The following STOX1 variants were observed in gnomAD, a reference collection of about 807,000 sequenced individuals.
STOX1 encodes the protein storkhead box 1.
In STOX1, 57 loss-of-function variants were observed where a neutral mutation model predicts 74.8. The observed-to-expected ratio is 0.76, with a 90% confidence interval of 0.62 to 0.95. The LOEUF is 0.95. STOX1 is among the 40% of genes least tolerant of loss of function. The pLI, the probability that STOX1 is intolerant of heterozygous loss-of-function variation, is 0.00. For synonymous variants in STOX1, 375 were observed against 401.3 expected, an observed-to-expected ratio of 0.93 and a Z score of 0.78; for missense variants, 1,010 against 1,117.0, an observed-to-expected ratio of 0.90 and a Z score of 1.37.
At chr10:68,881,319 A>G (rs950151355) in intron 1 of STOX1, among the ~76,000 whole-genome samples, 3 of 152,194 alleles carry the variant, frequency 2.0e-5, no homozygotes, top group African/African-American at 2.4e-5. Context: ...CTTAAGTTCT[A>G]TTGAACCAGG....
chr10:68,828,800 C>T (rs1361952618), intron 1 of STOX1, among the ~76,000 whole-genome samples: 1 of 152,170 alleles, frequency 6.6e-6, no homozygotes, highest in African/African-American at 2.4e-5. Flanking sequence ...GGGTCGTTAA[C>T]TTCTTGGGGA....
chr10:68,845,416 G>T (rs1396092293), intron 1 of STOX1, among the ~76,000 whole-genome samples: 1 of 151,338 alleles, frequency 6.6e-6, no homozygotes, highest in Admixed American at 6.6e-5. Flanking sequence ...TGGGACTACA[G>T]GCGCCTGCCA....
rs774795492 is a variant in STOX1 at position 68,892,733 on chromosome 10, T to C, written c.2967T>C (p.Val989=). 1.6e-5 allele frequency: 26 copies of C among 1,613,582 alleles called. No homozygotes were observed. Among genetic ancestry groups the C allele is most frequent in the Non-Finnish European group, 2.2e-5 (26 of 1,179,834 alleles). ...TACCGCTAACTCCAGTCATAAACGT[T>C]TAATTTTCTTTTGGAAACCTACTTT... ...SLLPLTPVIN[V] The change falls in exon 4 of 4, where the codon GTT becomes GTC. Residue 989 remains valine, a synonymous_variant. Transcript: ENST00000298596.
chr10:68,866,137 G>A (rs1840398830), intron 1 of STOX1, among the ~76,000 whole-genome samples: 1 of 152,008 alleles, frequency 6.6e-6, no homozygotes, highest in Non-Finnish European at 1.5e-5. Flanking sequence ...GCTCCCTATT[G>A]TTGTAATAAA....
chr10:68,847,884 A>AC (rs1839892788), intron 1 of STOX1, among the ~76,000 whole-genome samples: 1 of 152,026 alleles, frequency 6.6e-6, no homozygotes. Context: ...GGCATGCACC[A>AC]CCAAGCCTGG....
chr10:68,856,743 C>T (rs937371756), intron 1 of STOX1, among the ~76,000 whole-genome samples: 2 of 152,078 alleles, frequency 1.3e-5, no homozygotes, highest in Non-Finnish European at 2.9e-5. Context: ...CTCAAGAACC[C>T]TCTCCCTCTC....
chr10:68,895,332 T>C (rs1841172190), downstream of STOX1: 1 of 152,238 alleles, frequency 6.6e-6, no homozygotes, highest in Admixed American at 6.5e-5. Flanking sequence ...TTTAAAGGAA[T>C]GTATTAAATG....
At chr10:68,877,282 T>C (rs1840703476) in intron 1 of STOX1, among the ~76,000 whole-genome samples, 2 of 152,212 alleles carry the variant, frequency 1.3e-5, no homozygotes, top group South Asian at 4.1e-4. Context: ...CCCCATGTCA[T>C]AGTAGGAATT....
Position 68,885,181 on chromosome 10 carries a change from C to T in STOX1, c.1385C>T (p.Pro462Leu). 8.7e-6 allele frequency: 14 copies of T among 1,614,116 alleles called. No homozygotes were observed. The highest frequency in any genetic ancestry group is 1.3e-5 in the African/African-American group (1 of 75,026). Reference protein sequence around the residue: ...HPKLPATQPIPRIKSPNEMVG... With the variant: ...HPKLPATQPILRIKSPNEMVG... ...AAGCTCCCTGCTACACAGCCCATCCCCAGAATTAAAAGCCCAAATGAAATG... is the reference window on the plus strand; with the variant it reads ...AAGCTCCCTGCTACACAGCCCATCCTCAGAATTAAAAGCCCAAATGAAATG... Residue 462 changes from proline (P) to leucine (L), a missense_variant, in exon 3 of 4, where the codon CCC (proline) becomes CTC (leucine). Pro to Leu is a moderately conservative substitution (Grantham distance 98). Coordinates refer to ENST00000298596, the MANE Select transcript of STOX1 (RefSeq NM_152709.5).
At chr10:68,864,708 C>G (rs1407261687) in intron 1 of STOX1, among the ~76,000 whole-genome samples, 2 of 152,190 alleles carry the variant, frequency 1.3e-5, no homozygotes, top group African/African-American at 4.8e-5. Context: ...AATCTAGAGT[C>G]TTCTCTGGAT....
chr10:68,894,564 G>A (rs1437838221), downstream of STOX1, among the ~76,000 whole-genome samples: 2 of 152,096 alleles, frequency 1.3e-5, no homozygotes, highest in Non-Finnish European at 2.9e-5. Flanking sequence ...AAGATTAATT[G>A]TTGTCAAAAC....
intron 1 of STOX1, among the ~76,000 whole-genome samples, chr10:68,876,119 A>AATATATATATATATATATAT (rs56325624): frequency 1.5e-5 from 2 of 135,736 alleles, no homozygotes; most frequent in African/African-American, 2.7e-5. Context: ...TCTTTACCAG[A>AATATATATATATATATATAT]ATATATATAT....
At position 68,833,729 on chromosome 10, in the gene STOX1, C is replaced by T. The variant is rs186088696; in HGVS notation, c.310+5796C>T. ...GGCAGGCCCAGGACTGGTTTCGGGT[C>T]TGATTCCTAGGCGCCGGGCTACCTG... On this transcript the variant is annotated intron_variant, in intron 1 of 3. Coordinates refer to ENST00000298596, the MANE Select transcript of STOX1 (RefSeq NM_152709.5). Among the ~76,000 whole-genome samples the T allele has an allele frequency of 1.6e-3, 239 of 152,294 alleles. 2 individuals are homozygous for T. The highest frequency in any genetic ancestry group is 0.013 in the Admixed American group (196 of 15,286).
intron 1 of STOX1, among the ~76,000 whole-genome samples, chr10:68,836,617 C>G (rs1456301246): frequency 3.3e-5 from 5 of 152,168 alleles, no homozygotes; most frequent in Admixed American, 6.5e-5. Flanking sequence ...GGAGAAGGAG[C>G]CTGTACTGGG....
At chr10:68,865,849 T>C (rs1840390728) in intron 1 of STOX1, among the ~76,000 whole-genome samples, 1 of 152,158 alleles carries the variant, frequency 6.6e-6, no homozygotes. Flanking sequence ...CTTTGAGTAA[T>C]TCATTTAAAG....
At position 68,885,546 on chromosome 10, in the gene STOX1, A is replaced by G. The variant is rs375886588; in HGVS notation, c.1750A>G (p.Ser584Gly). The G allele has an allele frequency of 9.9e-6, 16 of 1,614,250 alleles. No homozygotes were observed. In the South Asian group the frequency reaches 1.1e-4, roughly 11 times the overall value. ...INDDFRGHLF[S>G]HPQQSMLQND... is the part of the protein sequence containing the mutation. Reference sequence around the variant, plus strand: ...TGATGACTTCAGAGGTCACCTCTTCAGTCACCCTCAACAGAGCATGTTGCA... The same window carrying G: ...TGATGACTTCAGAGGTCACCTCTTCGGTCACCCTCAACAGAGCATGTTGCA... The change falls in exon 3 of 4, where the codon AGT (serine) becomes GGT (glycine). Residue 584 changes from serine (S) to glycine (G), a missense_variant. Ser to Gly is a moderately conservative substitution (Grantham distance 56). Coordinates refer to ENST00000298596, the MANE Select transcript of STOX1 (RefSeq NM_152709.5).
chr10:68,828,769 G>A (rs1447348241), intron 1 of STOX1, among the ~76,000 whole-genome samples: 1 of 152,126 alleles, frequency 6.6e-6, no homozygotes, highest in Non-Finnish European at 1.5e-5. Context: ...GGTGGTCTTG[G>A]GTCGGGACCT....
chr10:68,888,105 A>G (rs977132138), intron 3 of STOX1, among the ~76,000 whole-genome samples: 1 of 151,482 alleles, frequency 6.6e-6, no homozygotes, highest in Non-Finnish European at 1.5e-5. Context: ...GCGCACACAC[A>G]CATATATGTT....
chr10:68,843,408 G>T (rs561307796), intron 1 of STOX1, among the ~76,000 whole-genome samples: 172 of 152,312 alleles, frequency 1.1e-3, no homozygotes, highest in Admixed American at 6.4e-3. Context: ...TTTCTTTTGG[G>T]TGAATAACCA....
Sources: allele counts gnomAD v4.1 joint callset (sites outside exome capture counted in the v4.1 genomes callset), GRCh38; gene constraint gnomAD v4.1.1; transcripts MANE v1.5; gene names NCBI Gene and HGNC (gene_info 2026-07-23, HGNC 2026-07-21).